WDPCP: variants seen among roughly 807,000 people sequenced by gnomAD.
WDPCP encodes the protein WD repeat-containing and planar cell polarity effector protein fritz homolog.
WDPCP carries 71 observed loss-of-function variants against 93.1 expected under a neutral mutation model. The observed-to-expected ratio is 0.76, with a 90% CI of 0.63 to 0.93. The LOEUF (loss-of-function observed/expected upper bound fraction) is 0.93. WDPCP is among the 40% of genes least tolerant of loss of function. WDPCP has a pLI of 0.00. For missense variants in WDPCP, 844 were observed against 887.4 expected (o/e 0.95, Z 0.62); for synonymous variants, 315 against 315.0 (o/e 1.00, Z 0.00).
At chr2:63,336,824 C>A (rs997384131) in intron 12 of WDPCP, among the ~76,000 whole-genome samples, 3 of 150,186 alleles carry the variant, frequency 2.0e-5, no homozygotes, top group Non-Finnish European at 4.4e-5. Context: ...TATTTTTCCC[C>A]TTTTATCCTC....
In WDPCP at chr2:63,485,064, G is replaced by A. The variant is rs77764640; in HGVS notation, c.254-77C>T. On this transcript the variant is annotated intron_variant, in intron 4 of 17. Transcript: ENST00000272321. ...ATTCTGCTTAGCAGTGTGCCTTAGG[G>A]AGATTAAAATAAAACACCTCTATAA... The A allele has an allele frequency of 3.9e-3, 5,918 of 1,514,280 alleles. 209 individuals carry two copies. In the African/African-American group the frequency reaches 0.072, roughly 18 times the overall value. The allele number at this position is 1,514,280 out of a possible 1,614,324, so 93.8% of individuals were successfully genotyped here.
chr2:63,567,523 G>T (rs190510006), intron 1 of WDPCP, among the ~76,000 whole-genome samples: 1 of 152,050 alleles, frequency 6.6e-6, no homozygotes, highest in African/African-American at 2.4e-5. Flanking sequence ...CCCCCAATAC[G>T]CCAGGCTCTC....
chr2:63,575,379 G>C (rs1332799097), intron 1 of WDPCP, among the ~76,000 whole-genome samples: 12 of 113,318 alleles, frequency 1.1e-4, no homozygotes, highest in East Asian at 8.0e-4. Flanking sequence ...AGTATATACA[G>C]TATATACACG....
intron 17 of WDPCP, among the ~76,000 whole-genome samples, chr2:63,130,463 G>T (rs908020008): frequency 9.9e-5 from 15 of 151,962 alleles, no homozygotes; most frequent in Non-Finnish European, 1.9e-4. Context: ...CTGTTCCATG[G>T]TTCTATATGT....
At chr2:63,533,728 A>G (rs1301747697) in intron 1 of WDPCP, among the ~76,000 whole-genome samples, 1 of 152,240 alleles carries the variant, frequency 6.6e-6, no homozygotes, top group Non-Finnish European at 1.5e-5. Flanking sequence ...AGGGAAATTT[A>G]TAGCACTAAA....
chr2:63,477,268 T>C (rs1253085159), intron 6 of WDPCP, among the ~76,000 whole-genome samples: 2 of 152,122 alleles, frequency 1.3e-5, no homozygotes, highest in African/African-American at 4.8e-5. Flanking sequence ...AGATTTATAA[T>C]GATTTAAGAA....
chr2:63,697,616 T>TTCTATAATG (rs1357921380), intron 2 of WDPCP, among the ~76,000 whole-genome samples: 1 of 152,230 alleles, frequency 6.6e-6, no homozygotes, highest in Non-Finnish European at 1.5e-5. Flanking sequence ...TTTAATAATT[T>TTCTATAATG]TCTATAATGT....
At chr2:63,658,388 G>C (rs946987983) in intron 2 of WDPCP, among the ~76,000 whole-genome samples, 1 of 152,188 alleles carries the variant, frequency 6.6e-6, no homozygotes, top group Non-Finnish European at 1.5e-5. Context: ...TCAGCTGTTT[G>C]TCAGCCAGGT....
At chr2:63,233,302 TA>T in intron 14 of WDPCP, 1 of 257,630 alleles carries the variant, frequency 3.9e-6, no homozygotes, top group Non-Finnish European at 7.5e-6. Flanking sequence ...TGTATACTAT[TA>T]AAAAATCAGA....
intron 2 of WDPCP, among the ~76,000 whole-genome samples, chr2:63,699,319 T>G (rs1669011088): frequency 6.6e-6 from 1 of 152,246 alleles, no homozygotes; most frequent in Non-Finnish European, 1.5e-5. Flanking sequence ...TTATTCAAAA[T>G]GTCCTCGTGA....
chr2:63,713,116 A>T (rs1347019995), intron 2 of WDPCP, among the ~76,000 whole-genome samples: 1 of 152,230 alleles, frequency 6.6e-6, no homozygotes, highest in African/African-American at 2.4e-5. Context: ...TTCTGGGTGC[A>T]CTATGTGGGC....
chr2:63,598,570 T>C (rs968667602), intron 3 of WDPCP, among the ~76,000 whole-genome samples: 4 of 152,240 alleles, frequency 2.6e-5, no homozygotes, highest in African/African-American at 9.6e-5. Flanking sequence ...TTTTAAGATT[T>C]TTTAAGTTGC....
At chr2:63,581,246 C>T (rs546072285) in intron 1 of WDPCP, among the ~76,000 whole-genome samples, 2 of 152,150 alleles carry the variant, frequency 1.3e-5, no homozygotes, top group East Asian at 3.9e-4. Flanking sequence ...AGGAGTAGCC[C>T]GGCAAACTTG....
chr2:63,186,227 T>G (rs1220232290), intron 14 of WDPCP, among the ~76,000 whole-genome samples: 1 of 152,184 alleles, frequency 6.6e-6, no homozygotes, highest in Non-Finnish European at 1.5e-5. Flanking sequence ...TCTTGCCACT[T>G]GGGGAAAACC....
At chr2:63,378,296 T>A in intron 12 of WDPCP, 90 bp downstream of exon 12, 3 of 1,564,490 alleles carry the variant, frequency 1.9e-6, no homozygotes, top group Non-Finnish European at 2.6e-6. Flanking sequence ...AGGAAACACA[T>A]AGCCTTACTA....
chr2:63,311,227 G>C, intron 13 of WDPCP, among the ~76,000 whole-genome samples: 1 of 152,046 alleles, frequency 6.6e-6, no homozygotes, highest in East Asian at 1.9e-4. Context: ...ATATCTCAAG[G>C]GTAGAAAATC....
chr2:63,770,302 G>A (rs1670206286), intron 2 of WDPCP, among the ~76,000 whole-genome samples: 1 of 151,814 alleles, frequency 6.6e-6, no homozygotes, highest in Non-Finnish European at 1.5e-5. Flanking sequence ...AAACTGGAGT[G>A]CAATTTAAGT....
intron 14 of WDPCP, among the ~76,000 whole-genome samples, chr2:63,204,137 A>C (rs1458631231): frequency 2.0e-5 from 3 of 152,154 alleles, no homozygotes; most frequent in Non-Finnish European, 4.4e-5. Flanking sequence ...CCTGTTCTCC[A>C]CAGTGGTTGT....
the WDPCP span, among the ~76,000 whole-genome samples, chr2:63,839,624 GC>G: frequency 1.3e-5 from 2 of 152,188 alleles, no homozygotes; most frequent in African/African-American, 4.8e-5. Context: ...TCTTTTGCAG[GC>G]TAAGTAACCC....
Sources: gnomAD v4.1 joint callset for allele counts (sites outside exome capture counted in the v4.1 genomes callset) on GRCh38, gnomAD v4.1.1 for gene constraint, MANE v1.5 for transcripts, NCBI Gene and HGNC (gene_info 2026-07-23, HGNC 2026-07-21) for gene names.